SUFU: variants seen among roughly 807,000 people sequenced by gnomAD.
SUFU encodes the protein suppressor of fused homolog.
A neutral mutation model predicts 58.9 loss-of-function variants in SUFU; 7 were observed. The observed-to-expected ratio is 0.12, with a 90% CI of 0.07 to 0.22. The LOEUF is 0.22. SUFU is among the 10% of genes least tolerant of loss of function. The probability of loss-of-function intolerance (pLI) is 1.00; values close to 1 mark genes in which losing one functional copy is unlikely to be tolerated. For synonymous variants in SUFU, 232 were observed against 254.8 expected (o/e 0.91, Z 0.85); for missense variants, 451 against 641.3 (o/e 0.70, Z 3.20).
intron 10 of SUFU, among the ~76,000 whole-genome samples, chr10:102,620,344 C>T (rs529091707): frequency 5.9e-5 from 9 of 152,276 alleles, no homozygotes; most frequent in East Asian, 1.9e-4. Flanking sequence ...TTTAGGAACC[C>T]GAGCCCCTTT....
chr10:102,573,890 T>G (rs2063187361), intron 3 of SUFU, among the ~76,000 whole-genome samples: 1 of 152,070 alleles, frequency 6.6e-6, no homozygotes, highest in Non-Finnish European at 1.5e-5. Flanking sequence ...TGAAAAAAAG[T>G]CCTGGAAATG....
chr10:102,580,535 G>A (rs1020331809), intron 3 of SUFU, among the ~76,000 whole-genome samples: 10 of 152,086 alleles, frequency 6.6e-5, no homozygotes, highest in African/African-American at 2.4e-4. Flanking sequence ...GGAGGGAGGT[G>A]CTCACTCTCA....
At chr10:102,603,854 G>A (rs2063537897) in intron 8 of SUFU, among the ~76,000 whole-genome samples, 1 of 152,182 alleles carries the variant, frequency 6.6e-6, no homozygotes, top group Admixed American at 6.5e-5. Context: ...TGGCCAGGGA[G>A]TCATCCTTTA....
intron 8 of SUFU, among the ~76,000 whole-genome samples, chr10:102,606,767 C>T (rs1267533493): frequency 1.3e-5 from 2 of 151,938 alleles, no homozygotes; most frequent in African/African-American, 2.4e-5. Context: ...GAGAGGCATA[C>T]TAAAAAAATA....
At chr10:102,520,120 C>A (rs185808606) in intron 2 of SUFU, among the ~76,000 whole-genome samples, 6 of 151,734 alleles carry the variant, frequency 4.0e-5, no homozygotes, top group East Asian at 3.9e-4. Flanking sequence ...TATTTGTTAT[C>A]ATTGGGGAAC....
At chr10:102,580,533 G>A (rs1424777032) in intron 3 of SUFU, among the ~76,000 whole-genome samples, 1 of 152,074 alleles carries the variant, frequency 6.6e-6, no homozygotes, top group African/African-American at 2.4e-5. Context: ...GTGGAGGGAG[G>A]TGCTCACTCT....
At chr10:102,541,335 C>T (rs2062796768) in intron 2 of SUFU, among the ~76,000 whole-genome samples, 1 of 152,148 alleles carries the variant, frequency 6.6e-6, no homozygotes, top group Non-Finnish European at 1.5e-5. Flanking sequence ...GTTTATCCTT[C>T]CCACATGGCT....
At chr10:102,608,679 C>T (rs2063588346) in intron 8 of SUFU, among the ~76,000 whole-genome samples, 1 of 152,150 alleles carries the variant, frequency 6.6e-6, no homozygotes, top group Admixed American at 6.5e-5. Flanking sequence ...AAACCCTGGG[C>T]CAGTAGTCCC....
intron 2 of SUFU, among the ~76,000 whole-genome samples, chr10:102,536,708 G>A (rs796986432): frequency 2.0e-5 from 3 of 152,068 alleles, no homozygotes; most frequent in African/African-American, 7.2e-5. Flanking sequence ...TTAAAATTTC[G>A]TATTTACATC....
chr10:102,533,474 T>G (rs558321045), intron 2 of SUFU, among the ~76,000 whole-genome samples: 25 of 151,760 alleles, frequency 1.6e-4, no homozygotes, highest in Non-Finnish European at 2.6e-4. Context: ...TTTGGGAGGT[T>G]GAGGTGAGAG....
At position 102,617,162 on chromosome 10, in the gene SUFU, AGCC is replaced by A; in HGVS notation, c.1158-127_1158-125del. ...GTCCCCTGTTGATGGGCAGGTGGGC[AGCC>A]AGGAGGGCATGTTACCTGGCCCGCG... On this transcript the variant is annotated intron_variant, in intron 9 of 11. Coordinates refer to ENST00000369902, the MANE Select transcript of SUFU (RefSeq NM_016169.4). This position sits in a 1 kb window ranked among gnomAD's most constrained non-coding sequence, Gnocchi z 4.4. 1 of 1,188,324 alleles carries A rather than the reference AGCC, an allele frequency of 8.4e-7. No individual in the cohort carries two copies. Among genetic ancestry groups the A allele is most frequent in the Non-Finnish European group, 1.2e-6 (1 of 812,442 alleles). 73.6% of individuals were successfully genotyped at this position (1,188,324 alleles called of 1,614,324 possible).
chr10:102,531,177 C>T (rs2062674103), intron 2 of SUFU, among the ~76,000 whole-genome samples: 1 of 151,974 alleles, frequency 6.6e-6, no homozygotes, highest in Non-Finnish European at 1.5e-5. Flanking sequence ...ATCACTTGAG[C>T]CTGGAAGGCT....
intron 2 of SUFU, among the ~76,000 whole-genome samples, chr10:102,536,887 G>A (rs552024357): frequency 8.6e-5 from 13 of 151,146 alleles, no homozygotes; most frequent in East Asian, 2.0e-4. Context: ...CTTAGCTCAC[G>A]GCAACTTCTG....
intron 3 of SUFU, among the ~76,000 whole-genome samples, chr10:102,560,408 A>T (rs1350882274): frequency 6.8e-6 from 1 of 147,136 alleles, no homozygotes; most frequent in East Asian, 2.0e-4. Flanking sequence ...CATCTCTGCT[A>T]AAAAAAAAAT....
chr10:102,521,811 G>T (rs1352192927), intron 2 of SUFU, among the ~76,000 whole-genome samples: 1 of 152,128 alleles, frequency 6.6e-6, no homozygotes, highest in Non-Finnish European at 1.5e-5. Context: ...ATTCGTTATT[G>T]TTATCCAATG....
chr10:102,593,934 G>A (rs374233754), intron 5 of SUFU, 59 bp from the exon 6 acceptor site: 33 of 1,589,572 alleles, frequency 2.1e-5, no homozygotes, highest in African/African-American at 2.7e-5. Context: ...CAGGCTGTAG[G>A]CCCAGCCCAT....
At chr10:102,593,906 C>A in intron 5 of SUFU, 87 bp from the exon 6 acceptor site, 1 of 1,527,030 alleles carries the variant, frequency 6.5e-7, no homozygotes, top group South Asian at 1.1e-5. Flanking sequence ...TGTCCTAGGC[C>A]TGGGGCAGCA....
chr10:102,504,412 G>A lies in SUFU; in HGVS notation c.182+78G>A, dbSNP rs867461617. On this transcript the variant is annotated intron_variant, in intron 1 of 11. Transcript: ENST00000369902. ...GCGCCGAGGGCGAAGTAATTTGTGG[G>A]AGGTGGGAGGAGGGGTAGAGAATGG... 1.1e-5 allele frequency: 17 copies of A among 1,579,728 alleles called. No homozygotes were observed. The Middle Eastern group carries it at 1.8e-3, about 171-fold the overall frequency.
Position 102,633,416 on chromosome 10 carries a change from CCT to C in SUFU, c.*3266_*3267del, listed in dbSNP as rs1190772056. 8 of 232,844 alleles carry C rather than the reference CCT, an allele frequency of 3.4e-5. No individual in the cohort carries two copies. The highest frequency in any genetic ancestry group is 5.1e-5 in the Non-Finnish European group (6 of 117,608). 14.4% of individuals were successfully genotyped at this position (232,844 alleles called of 1,614,324 possible). On this transcript the variant is annotated 3_prime_UTR_variant, in exon 12 of 12. Transcript: ENST00000369902. Reference sequence around the variant, plus strand: ...TGTCGTTTCCTTCTTGCCCCCTCTTCCTCTCTGTAATCTAAGTGCATTAAACA... The same window carrying C: ...TGTCGTTTCCTTCTTGCCCCCTCTTCCTCTGTAATCTAAGTGCATTAAACA...
Sources: allele counts gnomAD v4.1 joint callset (sites outside exome capture counted in the v4.1 genomes callset), GRCh38; gene constraint gnomAD v4.1.1; non-coding constraint Gnocchi (gnomAD v3.1); transcripts MANE v1.5; gene names NCBI Gene and HGNC (gene_info 2026-07-23, HGNC 2026-07-21).